BAIAP2L2: variants seen among roughly 807,000 people sequenced by gnomAD.
BAIAP2L2 encodes the protein BAR/IMD domain-containing adapter protein 2-like 2.
A neutral mutation model predicts 60.4 loss-of-function variants in BAIAP2L2; 65 were observed. That is an observed-to-expected ratio of 1.08 (90% CI 0.88 to 1.32). The LOEUF (loss-of-function observed/expected upper bound fraction) is 1.32. Ranked by LOEUF, BAIAP2L2 falls within the 40% of genes most tolerant of loss-of-function variation. BAIAP2L2 has a pLI of 0.00. For synonymous variants in BAIAP2L2, 344 were observed against 301.7 expected, an observed-to-expected ratio of 1.14 and a Z score of -1.45; for missense variants, 836 against 741.2, an observed-to-expected ratio of 1.13 and a Z score of -1.48.
chr22:38,087,802 C>T (rs542620067), intron 10 of BAIAP2L2, among the ~76,000 whole-genome samples: 13 of 152,066 alleles, frequency 8.5e-5, no homozygotes, highest in African/African-American at 3.1e-4. Flanking sequence ...TCCAGCACCC[C>T]CTCACCACTC....
intron 7 of BAIAP2L2, among the ~76,000 whole-genome samples, chr22:38,093,339 AC>A (rs1283285320): frequency 1.3e-5 from 2 of 152,166 alleles, no homozygotes; most frequent in South Asian, 2.1e-4. Context: ...AGCCAAATAA[AC>A]ATCTTTTAAA....
At chr22:38,106,530 A>C (rs1391214392) in intron 4 of BAIAP2L2, among the ~76,000 whole-genome samples, 2 of 125,988 alleles carry the variant, frequency 1.6e-5, no homozygotes, top group Admixed American at 7.6e-5. Flanking sequence ...AAAAAAATTA[A>C]AAAAAAAAAA....
At chr22:38,100,064 T>C (rs573795515) in intron 4 of BAIAP2L2, among the ~76,000 whole-genome samples, 16 of 152,256 alleles carry the variant, frequency 1.1e-4, no homozygotes, top group African/African-American at 3.4e-4. Context: ...AGTGTGTGTG[T>C]AGAGAAGGGT....
At position 38,107,839 on chromosome 22, in the gene BAIAP2L2, G is replaced by T; in HGVS notation, c.276+13C>A. ...TCGAGTGACCCCTCCAGGCCCTGGG[G>T]CCTGATACTCACCACCACCTCCAGG... On this transcript the variant is annotated intron_variant, in intron 4 of 13. Transcript: ENST00000381669. 6.2e-7 allele frequency: 1 copy of T among 1,612,646 alleles called. No homozygotes were observed. The highest frequency in any genetic ancestry group is 8.5e-7 in the Non-Finnish European group (1 of 1,179,304).
At chr22:38,094,710 G>C (rs1394953403) in intron 7 of BAIAP2L2, among the ~76,000 whole-genome samples, 3 of 152,158 alleles carry the variant, frequency 2.0e-5, no homozygotes, top group Non-Finnish European at 2.9e-5. Flanking sequence ...CTGAGCCTGG[G>C]GCCGGGTGAG....
chr22:38,094,356 T>C (rs1157147129), intron 7 of BAIAP2L2, among the ~76,000 whole-genome samples: 2 of 152,118 alleles, frequency 1.3e-5, no homozygotes, highest in African/African-American at 4.8e-5. Flanking sequence ...TGGCTAACTT[T>C]TGTATTTTTA....
chr22:38,088,697 C>T, intron 10 of BAIAP2L2, 51 bp downstream of exon 10: 1 of 1,526,042 alleles, frequency 6.6e-7, no homozygotes, highest in Non-Finnish European at 8.8e-7. Flanking sequence ...TTCCCGGCCC[C>T]CAGGGCCTTC....
chr22:38,100,556 A>G lies in BAIAP2L2; in HGVS notation c.277-2074T>C, dbSNP rs534783529. On this transcript the variant is annotated intron_variant, in intron 4 of 13. Coordinates refer to ENST00000381669, the MANE Select transcript of BAIAP2L2 (RefSeq NM_025045.6). ...AATAAATAAATAAATAAATAAATAA[A>G]TAAATAAATAAATAAATAAAGCTTA... Among the ~76,000 whole-genome samples, 16 of 151,364 alleles carry G rather than the reference A, an allele frequency of 1.1e-4. No homozygotes were observed. The South Asian group carries it at 2.5e-3, about 24-fold the overall frequency.
chr22:38,086,347 G>C lies in BAIAP2L2; in HGVS notation c.1362C>G (p.Arg454=). Residue 454 remains arginine (R), a synonymous_variant, in exon 12 of 14, where the codon CGC becomes CGG. Coordinates refer to ENST00000381669, the MANE Select transcript of BAIAP2L2 (RefSeq NM_025045.6). ...CACGGCTTGGCACCCGGCTTGGGGT[G>C]CGGGAGCGGGACTGGCCATCCCAGT... ...SEYWDGQSRS[R]TPSRVPSRAP... 3.8e-6 allele frequency: 3 copies of C among 779,514 alleles called. No individual in the cohort carries two copies. Among genetic ancestry groups the C allele is most frequent in the Non-Finnish European group, 5.7e-6 (3 of 529,490 alleles). The allele number at this position is 779,514 out of a possible 1,614,324, so 48.3% of individuals were successfully genotyped here.
At chr22:38,098,011 A>T (rs2413501) in intron 6 of BAIAP2L2, 52 bp downstream of exon 6, 2 of 485,510 alleles carry the variant, frequency 4.1e-6, no homozygotes, top group Non-Finnish European at 3.0e-6. Context: ...TCTCGCCCCG[A>T]GGTCTGCCCA....
intron 4 of BAIAP2L2, among the ~76,000 whole-genome samples, chr22:38,105,586 G>A (rs1308118880): frequency 3.3e-5 from 5 of 151,908 alleles, no homozygotes; most frequent in Non-Finnish European, 4.4e-5. Context: ...CAGGTGATCC[G>A]CCCACCTCGG....
chr22:38,089,118 G>T lies in BAIAP2L2; in HGVS notation c.879C>A (p.Ser293=). The T allele has an allele frequency of 1.5e-6, 2 of 1,371,586 alleles. No individual in the cohort carries two copies. Among genetic ancestry groups the T allele is most frequent in the South Asian group, 1.7e-5 (1 of 58,706 alleles). 85.0% of individuals were successfully genotyped at this position (1,371,586 alleles called of 1,614,324 possible). Residue 293 remains serine (S), a synonymous_variant, in exon 9 of 14, where the codon TCC becomes TCA. Coordinates refer to ENST00000381669, the MANE Select transcript of BAIAP2L2 (RefSeq NM_025045.6). ...PASQLEPDRR[S]LPRTPSASSL... is the part of the protein sequence containing the mutation. ...CACAGGCCGACGGCGTGCGGGGCAG[G>T]GAGCGACGGTCTGGCTCTAGCTGGG...
intron 7 of BAIAP2L2, among the ~76,000 whole-genome samples, chr22:38,093,470 A>G (rs2086356029): frequency 6.6e-6 from 1 of 152,242 alleles, no homozygotes; most frequent in Admixed American, 6.5e-5. Context: ...CTCACCCACG[A>G]GGAGGCAGTC....
rs984392108 is a variant in BAIAP2L2, at chr22:38,086,454, G to A, written c.1260-5C>T. ...CTGCCCCGGAGTGGGTAGGACCTAA[G>A]TCCAGAGAAAGGAGGGGGAAGGAAA... On this transcript the variant is annotated splice_region_variant and splice_polypyrimidine_tract_variant and intron_variant, in intron 11 of 13. Transcript: ENST00000381669. 3.0e-5 allele frequency: 45 copies of A among 1,484,468 alleles called. No homozygotes were observed. Among genetic ancestry groups the A allele is most frequent in the Non-Finnish European group, 4.1e-5 (45 of 1,111,060 alleles). The allele number at this position is 1,484,468 out of a possible 1,614,324, so 92.0% of individuals were successfully genotyped here. A position where few individuals can be genotyped will look rare whatever the true frequency, so the allele number is the denominator to read the frequency against.
rs1249720654 is a variant in BAIAP2L2 at position 38,089,158 on chromosome 22, T to G, written c.839A>C (p.Asp280Ala). Residue 280 changes from aspartate to alanine, a missense_variant, in exon 9 of 14, where the codon GAC (aspartate) becomes GCC (alanine). By Grantham distance (126) the Asp-to-Ala change is moderately radical (BLOSUM62 -2). Transcript: ENST00000381669. ...CTCTAGCTGGGACGCGGGCCTCGCG[T>G]CGGGCTCGGTGCCGTAGGAGCCGGA... ...HGSGSYGTEP[D>A]ARPASQLEPD... 3 of 1,334,392 alleles carry G rather than the reference T, an allele frequency of 2.2e-6. No individual in the cohort carries two copies. The East Asian group carries it at 9.1e-5, about 41-fold the overall frequency. 82.7% of individuals were successfully genotyped at this position (1,334,392 alleles called of 1,614,324 possible).
intron 4 of BAIAP2L2, among the ~76,000 whole-genome samples, chr22:38,104,471 C>T (rs1196817960): frequency 2.0e-5 from 3 of 151,218 alleles, no homozygotes; most frequent in African/African-American, 4.9e-5. Context: ...AAGGGGAACC[C>T]GGAGGTTCGA....
chr22:38,087,322 C>T, intron 10 of BAIAP2L2, 58 bp from the exon 11 acceptor site: 1 of 1,554,358 alleles, frequency 6.4e-7, no homozygotes, highest in Non-Finnish European at 8.6e-7. Context: ...GGACAATGAC[C>T]AAAAGAAGAC....
In BAIAP2L2 at chr22:38,089,218, A is replaced by C. The variant is rs1323995808; in HGVS notation, c.779T>G (p.Leu260Arg). ...PTCLDMPPRP[L>R]GEFSSPRSRH... Reference sequence around the variant, plus strand: ...GCTGCGGGGGGAGCTGAACTCTCCCAGGGGCCTCGGGGGCTGCGGGGGAGA... The same window carrying C: ...GCTGCGGGGGGAGCTGAACTCTCCCCGGGGCCTCGGGGGCTGCGGGGGAGA... Residue 260 changes from leucine (L) to arginine (R), a missense_variant, in exon 9 of 14, where the codon CTG becomes CGG. By Grantham distance (102) the Leu-to-Arg change is moderately radical (BLOSUM62 -2). Coordinates refer to ENST00000381669, the MANE Select transcript of BAIAP2L2 (RefSeq NM_025045.6). 9 of 933,432 alleles carry C rather than the reference A, an allele frequency of 9.6e-6. No individual in the cohort carries two copies. Among genetic ancestry groups the C allele is most frequent in the Non-Finnish European group, 1.1e-5 (9 of 801,958 alleles). 57.8% of individuals were successfully genotyped at this position (933,432 alleles called of 1,614,324 possible). A position where few individuals can be genotyped will look rare whatever the true frequency, so the allele number is the denominator to read the frequency against.
At chr22:38,102,356 G>A (rs567151726) in intron 4 of BAIAP2L2, among the ~76,000 whole-genome samples, 4 of 152,192 alleles carry the variant, frequency 2.6e-5, no homozygotes, top group African/African-American at 4.8e-5. Context: ...GAGCATGAAC[G>A]GAACCAGGAA....
Sources: allele counts gnomAD v4.1 joint callset (sites outside exome capture counted in the v4.1 genomes callset), GRCh38; gene constraint gnomAD v4.1.1; transcripts MANE v1.5; gene names NCBI Gene and HGNC (gene_info 2026-07-23, HGNC 2026-07-21).